ESYT2: variants seen among roughly 807,000 people sequenced by gnomAD.
The protein encoded by ESYT2 is extended synaptotagmin-2.
A neutral mutation model predicts 107.2 loss-of-function variants in ESYT2; 54 were observed. That is an observed-to-expected ratio of 0.50 (90% CI 0.40 to 0.63). The LOEUF (loss-of-function observed/expected upper bound fraction) is 0.63, where lower values mean the gene tolerates loss of function less well. Among genes scored for constraint, ESYT2 ranks in the 30% least tolerant of loss-of-function variants. The pLI, the probability that ESYT2 is intolerant of heterozygous loss-of-function variation, is 0.00. For missense variants in ESYT2, 1,020 were observed against 1,094.5 expected (o/e 0.93, Z 0.96); for synonymous variants, 491 against 434.1 (o/e 1.13, Z -1.63).
chr7:158,819,399 A>G (rs1434290704), intron 1 of ESYT2, among the ~76,000 whole-genome samples: 3 of 152,242 alleles, frequency 2.0e-5, no homozygotes, highest in African/African-American at 7.2e-5. Context: ...TCTTCTCATT[A>G]TATCATATCT....
chr7:158,792,216 A>G (rs963276968), intron 4 of ESYT2, among the ~76,000 whole-genome samples: 1 of 145,102 alleles, frequency 6.9e-6, no homozygotes, highest in African/African-American at 2.6e-5. Flanking sequence ...AGATCATCTC[A>G]ACTGTAAACA....
At chr7:158,826,548 C>T (rs570639677) in intron 1 of ESYT2, among the ~76,000 whole-genome samples, 2 of 151,010 alleles carry the variant, frequency 1.3e-5, no homozygotes, top group South Asian at 2.1e-4. Context: ...TCAGGCTGGG[C>T]GCAGTGGCTC....
intron 17 of ESYT2, among the ~76,000 whole-genome samples, chr7:158,742,188 C>T (rs920816161): frequency 1.6e-4 from 25 of 152,148 alleles, no homozygotes; most frequent in African/African-American, 5.3e-4. Flanking sequence ...GAGATCCTCC[C>T]GCCTCAGCCT....
At position 158,734,157 on chromosome 7, in the gene ESYT2, GGGTAGAGGT is replaced by G; in HGVS notation, c.*41_*49del. Reference sequence around the variant, plus strand: ...GTACGTCTGTGAGAGGGTGTGTTCCGGGTAGAGGTGGAGAGCTACGCTGAAGAGGACGCC... The same window carrying G: ...GTACGTCTGTGAGAGGGTGTGTTCCGGGAGAGCTACGCTGAAGAGGACGCC... On this transcript the variant is annotated 3_prime_UTR_variant, in exon 23 of 23. Coordinates refer to ENST00000275418, the MANE Select transcript of ESYT2 (RefSeq NM_001367773.1). The G allele has an allele frequency of 6.2e-7, 1 of 1,602,324 alleles. No homozygotes were observed. The highest frequency in any genetic ancestry group is 1.1e-5 in the South Asian group (1 of 90,742).
At chr7:158,739,189 C>A in intron 18 of ESYT2, 68 bp from the exon 19 acceptor site, 1 of 1,316,640 alleles carries the variant, frequency 7.6e-7, no homozygotes, top group Non-Finnish European at 1.1e-6. Context: ...CATTGGTCCA[C>A]TGTACACGAT....
intron 22 of ESYT2, 31 bp downstream of exon 22, chr7:158,734,391 G>T: frequency 1.9e-6 from 3 of 1,613,174 alleles, no homozygotes; most frequent in Non-Finnish European, 2.5e-6. Flanking sequence ...GCTACACACT[G>T]GGGTTCTCTG....
chr7:158,734,279 G>C, intron 22 of ESYT2, 27 bp from the exon 23 acceptor site: 1 of 1,614,076 alleles, frequency 6.2e-7, no homozygotes. Flanking sequence ...CAGGAAGGTG[G>C]TGACGGATAC....
Position 158,810,283 on chromosome 7 carries a change from A to G in ESYT2, c.331-11211T>C, listed in dbSNP as rs148228871. On this transcript the variant is annotated intron_variant, in intron 1 of 22. Transcript: ENST00000275418. ...ACAAGTCAAAACAGCTCAAAGGATC[A>G]TTACTTGATAAATGGCTACACAAAA... is the stretch of plus-strand genomic sequence containing the variant. Among the ~76,000 whole-genome samples, 641 of 152,366 alleles carry G rather than the reference A, an allele frequency of 4.2e-3. 6 individuals are homozygous for G. The highest frequency in any genetic ancestry group is 0.014 in the African/African-American group (583 of 41,586).
At chr7:158,790,262 T>C (rs185735638) in intron 4 of ESYT2, among the ~76,000 whole-genome samples, 425 of 152,326 alleles carry the variant, frequency 2.8e-3, no homozygotes, top group Middle Eastern at 0.014. Flanking sequence ...TTAAATACTT[T>C]GTAAACTCAA....
intron 1 of ESYT2, among the ~76,000 whole-genome samples, chr7:158,804,722 A>C (rs1045807427): frequency 1.3e-4 from 20 of 151,942 alleles, no homozygotes; most frequent in African/African-American, 4.4e-4. Context: ...CGAACTGCTG[A>C]GAAAAGTGAG....
intron 7 of ESYT2, among the ~76,000 whole-genome samples, chr7:158,772,894 TAAAA>T: frequency 7.0e-6 from 1 of 142,034 alleles, no homozygotes; most frequent in South Asian, 2.2e-4. Flanking sequence ...GAATAAAAGT[TAAAA>T]AAAAAAAAAA....
At position 158,793,659 on chromosome 7, in the gene ESYT2, A is replaced by G; in HGVS notation, c.575T>C (p.Leu192Pro). 1 of 1,610,426 alleles carries G rather than the reference A, an allele frequency of 6.2e-7. No homozygotes were observed. Among genetic ancestry groups the G allele is most frequent in the Non-Finnish European group, 8.5e-7 (1 of 1,176,990 alleles). Reference sequence around the variant, plus strand: ...ACAAATAAAAACTTACCTAATCTGAAGGTCCAAAATAATTTGCCTTTTGTC... The same window carrying G: ...ACAAATAAAAACTTACCTAATCTGAGGGTCCAAAATAATTTGCCTTTTGTC... ...NVDKRQIILD[L>P]QISFVGNCEI... Residue 192 changes from leucine (L) to proline (P), a missense_variant, in exon 4 of 23, where the codon CTT becomes CCT. Coordinates refer to ENST00000275418, the MANE Select transcript of ESYT2 (RefSeq NM_001367773.1).
chr7:158,782,733 T>C (rs924138226), intron 6 of ESYT2, among the ~76,000 whole-genome samples: 2 of 152,112 alleles, frequency 1.3e-5, no homozygotes, highest in Non-Finnish European at 1.5e-5. Context: ...AGAATGAGTA[T>C]GGAAGCTCAA....
chr7:158,734,140 G>T lies in ESYT2; in HGVS notation c.*67C>A. 6.6e-7 allele frequency: 1 copy of T among 1,525,500 alleles called. No homozygotes were observed. Among genetic ancestry groups the T allele is most frequent in the Non-Finnish European group, 9.1e-7 (1 of 1,101,220 alleles). 94.5% of individuals were successfully genotyped at this position (1,525,500 alleles called of 1,614,324 possible). ...TTATAAAAATAACATTGGTACGTCT[G>T]TGAGAGGGTGTGTTCCGGGTAGAGG... On this transcript the variant is annotated 3_prime_UTR_variant, in exon 23 of 23. Coordinates refer to ENST00000275418, the MANE Select transcript of ESYT2 (RefSeq NM_001367773.1).
intron 1 of ESYT2, among the ~76,000 whole-genome samples, chr7:158,823,262 C>T (rs1219771726): frequency 8.1e-4 from 112 of 138,774 alleles, no homozygotes; most frequent in African/African-American, 3.0e-3. Flanking sequence ...GCCACTGTGC[C>T]CCAGCCTGGG....
chr7:158,740,927 A>T (rs148347708), intron 18 of ESYT2, among the ~76,000 whole-genome samples: 8 of 152,196 alleles, frequency 5.3e-5, no homozygotes, highest in Non-Finnish European at 1.2e-4. Flanking sequence ...TTCAAAGGTC[A>T]ATTTTGTTTC....
chr7:158,764,584 C>T (rs1255698300), intron 9 of ESYT2, 93 bp downstream of exon 9: 5 of 1,323,996 alleles, frequency 3.8e-6, no homozygotes, highest in Admixed American at 4.5e-5. Flanking sequence ...AAATGAGCCA[C>T]ACTCCCACGT....
chr7:158,826,893 G>A (rs1386236629), intron 1 of ESYT2, among the ~76,000 whole-genome samples: 4 of 148,844 alleles, frequency 2.7e-5, no homozygotes, highest in South Asian at 2.1e-4. Flanking sequence ...GGCCGGGCGC[G>A]GTGGCTCACG....
intron 13 of ESYT2, among the ~76,000 whole-genome samples, chr7:158,756,914 T>TAAA (rs201326042): frequency 3.3e-4 from 33 of 98,766 alleles, no homozygotes; most frequent in African/African-American, 1.1e-3. Context: ...CATCTCAAAT[T>TAAA]AAAAAAAAAA....
Sources: gnomAD v4.1 joint callset for allele counts (sites outside exome capture counted in the v4.1 genomes callset) on GRCh38, gnomAD v4.1.1 for gene constraint, MANE v1.5 for transcripts, NCBI Gene and HGNC (gene_info 2026-07-23, HGNC 2026-07-21) for gene names.